Variants in GPC4 observed in about 807,000 individuals in gnomAD.
The protein encoded by GPC4 is glypican 4, also known as glypican-4.
A neutral mutation model predicts 35.0 loss-of-function variants in GPC4; 10 were observed. The ratio of observed to expected loss-of-function variants is 0.29; its 90% CI spans 0.18 to 0.48. The LOEUF (loss-of-function observed/expected upper bound fraction) is 0.48, where lower values mean the gene tolerates loss of function less well. GPC4 is among the 20% of genes least tolerant of loss of function. GPC4 has a pLI of 0.99. For synonymous variants in GPC4, 167 were observed against 170.2 expected, an observed-to-expected ratio of 0.98 and a Z score of 0.15; for missense variants, 322 against 451.3, an observed-to-expected ratio of 0.71 and a Z score of 2.60.
chrX:133,343,459 G>T (rs2068475357), intron 1 of GPC4, among the ~76,000 whole-genome samples: 1 of 111,662 alleles, frequency 9.0e-6, no homozygotes, highest in African/African-American at 3.3e-5. Context: ...AAACTGAAGG[G>T]TTTTTTTATT....
chrX:133,350,612 T>C (rs1407197258), intron 1 of GPC4, among the ~76,000 whole-genome samples: 4 of 112,013 alleles, frequency 3.6e-5, no homozygotes, highest in Non-Finnish European at 7.5e-5. Context: ...AAATTCTAGC[T>C]AGGCATCAAT....
At chrX:133,414,069 G>C (rs1043107810) in intron 1 of GPC4, among the ~76,000 whole-genome samples, 1 of 111,104 alleles carries the variant, frequency 9.0e-6, no homozygotes, top group Non-Finnish European at 1.9e-5. Context: ...AATGAGGTAA[G>C]AAAAAAGAAA....
intron 3 of GPC4, among the ~76,000 whole-genome samples, chrX:133,322,557 C>CA (rs11388265): frequency 0.43 from 42,424 of 98,903 alleles, 8,619 homozygotes; most frequent in African/African-American, 0.75. Context: ...GAGACTCTAT[C>CA]AAAAAAAAAA....
At chrX:133,306,401 G>A (rs755997168) in intron 4 of GPC4, among the ~76,000 whole-genome samples, 12 of 111,319 alleles carry the variant, frequency 1.1e-4, no homozygotes, top group African/African-American at 3.9e-4. Flanking sequence ...CTACAGCAAG[G>A]AAACCCAATC....
intron 2 of GPC4, among the ~76,000 whole-genome samples, chrX:133,325,471 C>T (rs1441754432): frequency 9.0e-6 from 1 of 111,584 alleles, no homozygotes; most frequent in Non-Finnish European, 1.9e-5. Context: ...CTCTTAACTA[C>T]AAATGGCAAA....
At chrX:133,382,789 C>T (rs2068668902) in intron 1 of GPC4, among the ~76,000 whole-genome samples, 1 of 112,739 alleles carries the variant, frequency 8.9e-6, no homozygotes, top group African/African-American at 3.2e-5. Flanking sequence ...TCAGCGAACT[C>T]GTCACTGAAG....
At chrX:133,359,851 T>C (rs12010313) in intron 1 of GPC4, among the ~76,000 whole-genome samples, 1,591 of 111,444 alleles carry the variant, frequency 0.014, 35 homozygotes, top group African/African-American at 0.049. Flanking sequence ...GTGTAGGCTG[T>C]CTTTACAAAC....
intron 1 of GPC4, among the ~76,000 whole-genome samples, chrX:133,413,355 C>T (rs1195508805): frequency 8.9e-6 from 1 of 112,171 alleles, no homozygotes; most frequent in Admixed American, 9.4e-5. Context: ...TATTTCTAGA[C>T]AGACGCCAGT....
intron 1 of GPC4, among the ~76,000 whole-genome samples, chrX:133,396,946 C>A (rs2068746177): frequency 8.9e-6 from 1 of 111,798 alleles, no homozygotes; most frequent in Non-Finnish European, 1.9e-5. Flanking sequence ...AATATTTACA[C>A]CATTTATTTG....
chrX:133,304,970 T>A, intron 6 of GPC4, 109 bp from the exon 7 acceptor site: 1 of 740,780 alleles, frequency 1.3e-6, no homozygotes, highest in Non-Finnish European at 2.0e-6. Context: ...TGATATGCAA[T>A]TCATTTTCAA....
intron 3 of GPC4, among the ~76,000 whole-genome samples, chrX:133,323,489 A>C (rs775220163): frequency 6.5e-4 from 72 of 110,767 alleles, no homozygotes; most frequent in Non-Finnish European, 1.2e-3. Context: ...CCCACCTCCC[A>C]AAAAAAAAGA....
intron 1 of GPC4, among the ~76,000 whole-genome samples, chrX:133,411,186 A>G (rs781613327): frequency 1.4e-3 from 159 of 112,285 alleles, no homozygotes; most frequent in Non-Finnish European, 2.6e-3. Context: ...GCACATGATC[A>G]TAGGTGCATT....
chrX:133,332,833 C>T (rs1368184684), intron 2 of GPC4, among the ~76,000 whole-genome samples: 1 of 112,385 alleles, frequency 8.9e-6, no homozygotes, highest in Non-Finnish European at 1.9e-5. Context: ...CTATTAACAT[C>T]GTACATAAGT....
intron 3 of GPC4, among the ~76,000 whole-genome samples, chrX:133,317,807 A>G (rs1383623817): frequency 9.0e-6 from 1 of 111,719 alleles, no homozygotes; most frequent in Non-Finnish European, 1.9e-5. Flanking sequence ...CACACTTGCC[A>G]TGGGATGTGA....
At chrX:133,342,370 G>A (rs908391079) in intron 1 of GPC4, among the ~76,000 whole-genome samples, 1 of 111,293 alleles carries the variant, frequency 9.0e-6, no homozygotes, top group African/African-American at 3.3e-5. Context: ...AAAAAATAGT[G>A]CACTTTCATC....
intron 2 of GPC4, among the ~76,000 whole-genome samples, chrX:133,332,156 T>C (rs932807435): frequency 9.0e-6 from 1 of 111,560 alleles, no homozygotes; most frequent in African/African-American, 3.3e-5. Context: ...CATAAAGAAA[T>C]ATATAATTTT....
chrX:133,413,715 C>T (rs1483771199), intron 1 of GPC4, among the ~76,000 whole-genome samples: 3 of 111,904 alleles, frequency 2.7e-5, no homozygotes, highest in Non-Finnish European at 5.7e-5. Flanking sequence ...TTTCTGAGCC[C>T]CCAGGGCGAA....
At chrX:133,378,610 C>T (rs1004924025) in intron 1 of GPC4, among the ~76,000 whole-genome samples, 4 of 109,412 alleles carry the variant, frequency 3.7e-5, no homozygotes, top group Non-Finnish European at 7.6e-5. Context: ...AAAAGAAATC[C>T]CATAACTTAA....
rs190414818 is a variant in GPC4 at position 133,319,401 on chromosome X, G to A, written c.711+4744C>T. ...TGAGGCTGCAGTGAGCCATGATCAC[G>A]CCACTGCACTCCAGCCTGGGTGACA... On this transcript the variant is annotated intron_variant, in intron 3 of 8. Coordinates refer to ENST00000370828, the MANE Select transcript of GPC4 (RefSeq NM_001448.3). Among the ~76,000 whole-genome samples the A allele has an allele frequency of 3.4e-4, 29 of 84,555 alleles. No individual in the cohort carries two copies. The East Asian group carries it at 9.8e-3, about 29-fold the overall frequency. The allele number at this position is 84,555 out of a possible 115,157, so 73.4% of individuals were successfully genotyped here. A position where few individuals can be genotyped will look rare whatever the true frequency, so the allele number is the denominator to read the frequency against.
Sources: gnomAD v4.1 joint callset for allele counts (sites outside exome capture counted in the v4.1 genomes callset) on GRCh38, gnomAD v4.1.1 for gene constraint, MANE v1.5 for transcripts, NCBI Gene and HGNC (gene_info 2026-07-23, HGNC 2026-07-21) for gene names.